Variants in TJP1 observed in about 807,000 individuals in gnomAD.
TJP1 encodes the protein tight junction protein ZO-1.
Under a neutral mutation model 194.2 loss-of-function variants are expected in TJP1, and 43 were observed. The observed-to-expected ratio is 0.22, with a 90% CI of 0.17 to 0.29. TJP1 has a LOEUF of 0.29. TJP1 is among the 10% of genes least tolerant of loss of function. TJP1 has a pLI of 1.00. For missense variants in TJP1, 1,971 were observed against 2,185.7 expected (o/e 0.90, Z 1.96); for synonymous variants, 801 against 779.0 (o/e 1.03, Z -0.47).
chr15:29,742,691 C>T lies in TJP1; in HGVS notation c.1101G>A (p.Val367=). 1 of 1,588,806 alleles carries T rather than the reference C, an allele frequency of 6.3e-7. No individual in the cohort carries two copies. The highest frequency in any genetic ancestry group is 8.6e-7 in the Non-Finnish European group (1 of 1,168,760). The change falls in exon 9 of 28, where the codon GTG becomes GTA. Residue 367 remains valine, a synonymous_variant. Coordinates refer to ENST00000614355, the MANE Select transcript of TJP1 (RefSeq NM_001330239.4). ...KHADDHTPKT[V]EEVTVERNEK... The stretch of plus-strand genomic sequence containing the variant: ...CATTTCTTTCAACTGTAACTTCTTC[C>T]ACTGTTTTAGGTGTGTGATCATCAG...
At chr15:29,758,893 T>C (rs2045821723) in intron 8 of TJP1, 3 of 152,358 alleles carry the variant, frequency 2.0e-5, no homozygotes, top group Non-Finnish European at 2.9e-5. Flanking sequence ...ACCAGGGTTC[T>C]CATAATTTAT....
At chr15:29,750,283 G>A (rs923911846) in intron 8 of TJP1, among the ~76,000 whole-genome samples, 3 of 151,988 alleles carry the variant, frequency 2.0e-5, no homozygotes, top group Non-Finnish European at 4.4e-5. Flanking sequence ...GATTACAGGC[G>A]TGAGCCACCA....
intron 2 of TJP1, among the ~76,000 whole-genome samples, chr15:29,843,190 T>C (rs569107629): frequency 1.1e-3 from 52 of 49,404 alleles, no homozygotes; most frequent in African/African-American, 2.8e-3. Context: ...TCTTTTCTTT[T>C]TTTTTTTCTT....
chr15:29,706,593 A>G (rs2041915720), intron 25 of TJP1, among the ~76,000 whole-genome samples: 1 of 152,218 alleles, frequency 6.6e-6, no homozygotes, highest in South Asian at 2.1e-4. Context: ...TATGAAGCAC[A>G]TTTTAAAATC....
intron 2 of TJP1, among the ~76,000 whole-genome samples, chr15:29,859,550 G>T (rs2051993705): frequency 6.6e-6 from 1 of 152,164 alleles, no homozygotes; most frequent in Non-Finnish European, 1.5e-5. Flanking sequence ...GACAGTCATT[G>T]TGGGTGCTCC....
chr15:29,868,057 C>A (rs1482575544), intron 2 of TJP1, among the ~76,000 whole-genome samples: 384 of 127,254 alleles, frequency 3.0e-3, no homozygotes, highest in Admixed American at 3.7e-3. Flanking sequence ...GATTCTGTCT[C>A]AAAAAAAAAA....
In TJP1 at chr15:29,741,882, G is replaced by A. The variant is rs374290077; in HGVS notation, c.1151-446C>T. On this transcript the variant is annotated intron_variant, in intron 9 of 27. Transcript: ENST00000614355. ...AAATCTCCAGGCCTCCCAGGCAACC[G>A]ATCTTAGCACCTTGCTGATTCTGTT... is the stretch of plus-strand genomic sequence containing the variant. Among the ~76,000 whole-genome samples, 8 of 152,268 alleles carry A rather than the reference G, an allele frequency of 5.3e-5. No homozygotes were observed. The South Asian group carries it at 6.2e-4, about 12-fold the overall frequency.
At chr15:29,900,132 G>A (rs1212658649) in intron 2 of TJP1, among the ~76,000 whole-genome samples, 2 of 152,204 alleles carry the variant, frequency 1.3e-5, no homozygotes, top group South Asian at 2.1e-4. Flanking sequence ...GAGACTGGAA[G>A]TAGTGAGTGA....
At chr15:29,889,264 T>A (rs2053227219) in intron 2 of TJP1, among the ~76,000 whole-genome samples, 1 of 152,224 alleles carries the variant, frequency 6.6e-6, no homozygotes, top group Non-Finnish European at 1.5e-5. Context: ...AAAACTGCTA[T>A]GTTTGAGATC....
intron 2 of TJP1, among the ~76,000 whole-genome samples, chr15:29,829,448 C>T (rs1427738476): frequency 6.6e-6 from 1 of 152,072 alleles, no homozygotes; most frequent in East Asian, 1.9e-4. Flanking sequence ...AGAGGGTCCA[C>T]GTGGAGTTTC....
chr15:29,791,641 C>T (rs988743312), intron 2 of TJP1, among the ~76,000 whole-genome samples: 1 of 151,776 alleles, frequency 6.6e-6, no homozygotes, highest in Admixed American at 6.6e-5. Flanking sequence ...GACCCACCCA[C>T]CTCGGCCTCC....
At position 29,700,484 on chromosome 15, in the gene TJP1, ACGCTGCTTTATTGCT is replaced by A; in HGVS notation, c.*1096_*1110del. On this transcript the variant is annotated 3_prime_UTR_variant, in exon 28 of 28. Transcript: ENST00000614355. ...AAATGACCTTGCATGTGTCATAGAA[ACGCTGCTTTATTGCT>A]GCAGAGGTCAAAGTTCAAGGCTCAA... The A allele has an allele frequency of 2.5e-6, 1 of 398,946 alleles. No individual in the cohort carries two copies. The highest frequency in any genetic ancestry group is 4.4e-6 in the Non-Finnish European group (1 of 226,026). The allele number at this position is 398,946 out of a possible 1,614,324, so 24.7% of individuals were successfully genotyped here.
At chr15:29,942,296 A>T (rs1199559062) in intron 2 of TJP1, among the ~76,000 whole-genome samples, 1 of 152,184 alleles carries the variant, frequency 6.6e-6, no homozygotes, top group African/African-American at 2.4e-5. Flanking sequence ...GGTCAACTGG[A>T]ATGGAGACAA....
chr15:29,868,353 A>G (rs1239273594), intron 2 of TJP1, among the ~76,000 whole-genome samples: 1 of 152,194 alleles, frequency 6.6e-6, no homozygotes, highest in Admixed American at 6.5e-5. Context: ...AAATACAGAA[A>G]CAGGAGCTGA....
chr15:29,723,594 A>G (rs978784047), intron 18 of TJP1, among the ~76,000 whole-genome samples: 2 of 152,220 alleles, frequency 1.3e-5, no homozygotes, highest in African/African-American at 4.8e-5. Flanking sequence ...AACCTGTTAA[A>G]CATTTGGCCC....
At chr15:29,893,643 A>C (rs1269165642) in intron 2 of TJP1, among the ~76,000 whole-genome samples, 1 of 152,232 alleles carries the variant, frequency 6.6e-6, no homozygotes, top group Non-Finnish European at 1.5e-5. Flanking sequence ...AAAGGTTCAG[A>C]TAATCACTAG....
intron 1 of TJP1, among the ~76,000 whole-genome samples, chr15:29,811,536 A>G (rs2049511193): frequency 6.6e-6 from 1 of 152,192 alleles, no homozygotes; most frequent in East Asian, 1.9e-4. Flanking sequence ...AGAACTTGCT[A>G]ATCAACCATT....
chr15:29,708,196 C>CA (rs770746842), intron 25 of TJP1, among the ~76,000 whole-genome samples: 11,071 of 63,102 alleles, frequency 0.18, 879 homozygotes, highest in African/African-American at 0.29. Context: ...ACTCTTGTCT[C>CA]AAAAAAAAAA....
chr15:29,924,096 C>T (rs574059381), intron 2 of TJP1, among the ~76,000 whole-genome samples: 1 of 152,276 alleles, frequency 6.6e-6, no homozygotes, highest in South Asian at 2.1e-4. Context: ...TAAGGAAATA[C>T]AAAAACTAAA....
Sources: gnomAD v4.1 joint callset for allele counts (sites outside exome capture counted in the v4.1 genomes callset) on GRCh38, gnomAD v4.1.1 for gene constraint, MANE v1.5 for transcripts, NCBI Gene and HGNC (gene_info 2026-07-23, HGNC 2026-07-21) for gene names.